The following NAA40 variants were observed in gnomAD, a reference collection of about 807,000 sequenced individuals.
The protein encoded by NAA40 is N-alpha-acetyltransferase 40.
Under a neutral mutation model 36.6 loss-of-function variants are expected in NAA40, and 26 were observed. That is an observed-to-expected ratio of 0.71 (90% CI 0.52 to 0.98). NAA40 has a LOEUF of 0.98. NAA40 is among the 50% of genes least tolerant of loss of function. The pLI is 0.00. For missense variants in NAA40, 237 were observed against 306.5 expected (o/e 0.77, Z 1.69); for synonymous variants, 129 against 108.4 (o/e 1.19, Z -1.18).
In NAA40 at chr11:63,947,282, CTG is replaced by C. The variant is rs1590753962; in HGVS notation, c.155+281_155+282del. ...AATTAGCTGGCACGGTGGCGATCGC[CTG>C]TAATCCCAGCTACTCGGGAGGCTGA... On this transcript the variant is annotated intron_variant, in intron 3 of 7. Transcript: ENST00000377793. Among the ~76,000 whole-genome samples, 4 of 152,158 alleles carry C rather than the reference CTG, an allele frequency of 2.6e-5. No homozygotes were observed. The East Asian group carries it at 7.8e-4, about 30-fold the overall frequency.
At chr11:63,949,337 T>C (rs1942238284) in intron 3 of NAA40, among the ~76,000 whole-genome samples, 1 of 152,188 alleles carries the variant, frequency 6.6e-6, no homozygotes, top group Non-Finnish European at 1.5e-5. Flanking sequence ...AATTTTATTT[T>C]AGATTCGCGG....
At chr11:63,954,104 T>G in intron 7 of NAA40, 55 bp downstream of exon 7, 1 of 1,558,388 alleles carries the variant, frequency 6.4e-7, no homozygotes, top group East Asian at 2.2e-5. Context: ...CCCAGGGCCA[T>G]TTTTCTGGTC....
intron 3 of NAA40, among the ~76,000 whole-genome samples, chr11:63,950,144 G>A (rs1293820887): frequency 7.4e-6 from 1 of 135,198 alleles, no homozygotes; most frequent in East Asian, 2.2e-4. Flanking sequence ...TTTTGAGACA[G>A]AGTCTCGCTC....
chr11:63,941,564 T>C (rs929745704), intron 1 of NAA40, among the ~76,000 whole-genome samples: 2 of 152,264 alleles, frequency 1.3e-5, no homozygotes, highest in Non-Finnish European at 2.9e-5. Flanking sequence ...CTTTTCCTTT[T>C]TTTTTTAGAC....
In NAA40 at chr11:63,957,212, A is replaced by ATATATATTTT. The variant is rs1278673521; in HGVS notation, c.*2734_*2735insATATATTTTT. On this transcript the variant is annotated 3_prime_UTR_variant, in exon 8 of 8. Transcript: ENST00000377793. ...CCTTGATATATATATATATATATATATTTTTTTTTTTCTTTAGCAGCTTGT... is the reference window on the plus strand; with the variant it reads ...CCTTGATATATATATATATATATATATATATATTTTTTTTTTTTTTTCTTTAGCAGCTTGT... The ATATATATTTT allele has an allele frequency of 3.3e-4, 21 of 64,296 alleles. No homozygotes were observed. The highest frequency in any genetic ancestry group is 8.4e-4 in the African/African-American group (20 of 23,938). 4.0% of individuals were successfully genotyped at this position (64,296 alleles called of 1,614,324 possible).
intron 3 of NAA40, 100 bp from the exon 4 acceptor site, chr11:63,952,138 C>G: frequency 1.1e-6 from 1 of 920,166 alleles, no homozygotes; most frequent in Non-Finnish European, 1.7e-6. Flanking sequence ...TGTGCAGTAA[C>G]TGAGACTGGG....
chr11:63,952,567 T>G lies in NAA40; in HGVS notation c.410+2T>G. On this transcript the variant is annotated splice_donor_variant, in intron 5 of 7. Coordinates refer to ENST00000377793, the MANE Select transcript of NAA40 (RefSeq NM_024771.4). LOFTEE classifies it high-confidence loss of function. ...GTGTGGGGATGAAGTCCTGTACTGG[T>G]AGGAGCCATGGCTTGGGGGAGGTAG... is the stretch of plus-strand genomic sequence containing the variant. The G allele has an allele frequency of 6.2e-7, 1 of 1,613,494 alleles. No individual in the cohort carries two copies. Among genetic ancestry groups the G allele is most frequent in the Non-Finnish European group, 8.5e-7 (1 of 1,179,528 alleles).
At chr11:63,943,899 A>G (rs920509732) in intron 1 of NAA40, among the ~76,000 whole-genome samples, 4 of 152,250 alleles carry the variant, frequency 2.6e-5, no homozygotes, top group Non-Finnish European at 4.4e-5. Context: ...AAAAAGATGA[A>G]TGCTCTAAAC....
intron 3 of NAA40, 28 bp downstream of exon 3, chr11:63,947,031 CTGTCTCCTCGAG>C: frequency 1.2e-6 from 2 of 1,602,452 alleles, no homozygotes; most frequent in Non-Finnish European, 1.7e-6. Context: ...TTACCAACTG[CTGTCTCCTCGAG>C]TGTCTTCAGG....
chr11:63,942,589 C>T (rs1300598110), intron 1 of NAA40, among the ~76,000 whole-genome samples: 1 of 152,188 alleles, frequency 6.6e-6, no homozygotes, highest in African/African-American at 2.4e-5. Flanking sequence ...AGACACTTAA[C>T]CACAGTGAGC....
chr11:63,948,291 T>C (rs1942221314), intron 3 of NAA40, among the ~76,000 whole-genome samples: 1 of 152,112 alleles, frequency 6.6e-6, no homozygotes, highest in Non-Finnish European at 1.5e-5. Context: ...GCTTTCTGAG[T>C]TTATGGAGTT....
At chr11:63,941,041 C>T (rs546974272) in intron 1 of NAA40, among the ~76,000 whole-genome samples, 1 of 152,298 alleles carries the variant, frequency 6.6e-6, no homozygotes, top group South Asian at 2.1e-4. Flanking sequence ...AGCAGGCCCT[C>T]AACACCATAA....
chr11:63,942,410 T>A (rs1385126331), intron 1 of NAA40, among the ~76,000 whole-genome samples: 1 of 152,120 alleles, frequency 6.6e-6, no homozygotes, highest in Non-Finnish European at 1.5e-5. Context: ...GCGAGCCCCA[T>A]TTTATGGAGA....
rs1475972032 is a variant in NAA40 at position 63,955,559 on chromosome 11, TC to T, written c.*1082del. 6.6e-6 allele frequency: 1 copy of T among 152,590 alleles called. No homozygotes were observed. The highest frequency in any genetic ancestry group is 2.4e-5 in the African/African-American group (1 of 41,436). 9.5% of individuals were successfully genotyped at this position (152,590 alleles called of 1,614,324 possible). On this transcript the variant is annotated 3_prime_UTR_variant, in exon 8 of 8. Coordinates refer to ENST00000377793, the MANE Select transcript of NAA40 (RefSeq NM_024771.4). ...CAGCAGCAGGCCCCTCTGCCTGCAC[TC>T]CTCAGGCTTGCCCCTCGCTGCCTCA... is the stretch of plus-strand genomic sequence containing the variant.
intron 3 of NAA40, among the ~76,000 whole-genome samples, chr11:63,948,415 C>T (rs904497468): frequency 1.3e-5 from 2 of 152,016 alleles, no homozygotes; most frequent in African/African-American, 2.4e-5. Context: ...AATTACTTTT[C>T]TTCTTTAAAA....
intron 3 of NAA40, among the ~76,000 whole-genome samples, chr11:63,949,882 C>G (rs12288308): frequency 0.043 from 6,522 of 150,654 alleles, 459 homozygotes; most frequent in African/African-American, 0.15. Flanking sequence ...GTAGCTGGGA[C>G]TACAGGCACC....
intron 3 of NAA40, among the ~76,000 whole-genome samples, chr11:63,949,152 C>G (rs564428198): frequency 7.8e-4 from 119 of 152,226 alleles, no homozygotes; most frequent in Middle Eastern, 3.4e-3. Context: ...CAGCATTGCA[C>G]TCTAGCCTGG....
At chr11:63,939,319 C>T in intron 1 of NAA40, 1 of 1,264,504 alleles carries the variant, frequency 7.9e-7, no homozygotes, top group Admixed American at 4.2e-5. Flanking sequence ...GCCCCACCCC[C>T]TCGGCGCCCC....
intron 6 of NAA40, 127 bp from the exon 7 acceptor site, chr11:63,953,845 G>A: frequency 1.3e-6 from 1 of 765,828 alleles, no homozygotes; most frequent in South Asian, 1.7e-5. Context: ...TTCCAGGCTG[G>A]TCTCTAACTC....
Sources: gnomAD v4.1 joint callset for allele counts (sites outside exome capture counted in the v4.1 genomes callset) on GRCh38, gnomAD v4.1.1 for gene constraint, MANE v1.5 for transcripts, NCBI Gene and HGNC (gene_info 2026-07-23, HGNC 2026-07-21) for gene names.